The following RAB6A variants were observed in gnomAD, a reference collection of about 807,000 sequenced individuals.
RAB6A encodes RAB6A, member RAS oncogene family.
RAB6A carries 8 observed loss-of-function variants against 32.3 expected under a neutral mutation model. The ratio of observed to expected loss-of-function variants is 0.25; its 90% CI spans 0.15 to 0.45. The LOEUF is 0.45. RAB6A is among the 20% of genes least tolerant of loss of function. The pLI, the probability that RAB6A is intolerant of heterozygous loss-of-function variation, is 1.00. For missense variants in RAB6A, 104 were observed against 249.4 expected, an observed-to-expected ratio of 0.42 and a Z score of 3.93; for synonymous variants, 73 against 82.1, an observed-to-expected ratio of 0.89 and a Z score of 0.60.
intron 1 of RAB6A, among the ~76,000 whole-genome samples, chr11:73,736,646 G>T (rs944915974): frequency 3.3e-5 from 5 of 151,320 alleles, no homozygotes; most frequent in South Asian, 2.1e-4. Context: ...GCAAAAATTA[G>T]CCAGGCATTG....
chr11:73,700,583 CAA>C (rs11458879), intron 6 of RAB6A, among the ~76,000 whole-genome samples: 1 of 30,488 alleles, frequency 3.3e-5, no homozygotes, highest in Admixed American at 5.6e-4. Context: ...GACCCTGTCT[CAA>C]AAAAAAAAAA....
At chr11:73,705,188 A>G (rs923227627) in intron 6 of RAB6A, among the ~76,000 whole-genome samples, 17 of 152,144 alleles carry the variant, frequency 1.1e-4, no homozygotes, top group African/African-American at 3.9e-4. Context: ...GCTATTAACC[A>G]GGAAAAGGAC....
chr11:73,690,769 C>T (rs1194684226), intron 6 of RAB6A, among the ~76,000 whole-genome samples: 1 of 150,108 alleles, frequency 6.7e-6, no homozygotes, highest in Non-Finnish European at 1.5e-5. Context: ...ATGGTTGGGT[C>T]CAGTGGGGTG....
At chr11:73,744,957 G>C (rs1005621790) in intron 1 of RAB6A, among the ~76,000 whole-genome samples, 6 of 148,622 alleles carry the variant, frequency 4.0e-5, no homozygotes, top group Non-Finnish European at 7.4e-5. Context: ...CCTGGTGACA[G>C]AGCGAGAATC....
chr11:73,683,123 T>A (rs1268498452), intron 6 of RAB6A, among the ~76,000 whole-genome samples: 1 of 152,198 alleles, frequency 6.6e-6, no homozygotes, highest in East Asian at 1.9e-4. Context: ...AGGCAGTAAG[T>A]ATAGTGACTA....
Position 73,744,511 on chromosome 11 carries a change from C to CAAAAAAAA in RAB6A, c.71-13696_71-13689dup, listed in dbSNP as rs555388622. Among the ~76,000 whole-genome samples, 11 of 63,748 alleles carry CAAAAAAAA rather than the reference C, an allele frequency of 1.7e-4. 1 individual carries two copies. The highest frequency in any genetic ancestry group is 8.0e-4 in the African/African-American group (11 of 13,734). The allele number at this position is 63,748 out of a possible 152,430, so 41.8% of individuals were successfully genotyped here. A position where few individuals can be genotyped will look rare whatever the true frequency, so the allele number is the denominator to read the frequency against. On this transcript the variant is annotated intron_variant, in intron 1 of 7. Transcript: ENST00000336083. ...GGGCAACAGAGTGAGACCCTGTCTC[C>CAAAAAAAA]AAAAAAAAAAAAAAAAAAAAAAAAA...
chr11:73,693,291 A>AAAATAAATAAATAAATAAATAAAT (rs3046617), intron 6 of RAB6A, among the ~76,000 whole-genome samples: 69 of 151,032 alleles, frequency 4.6e-4, no homozygotes, highest in African/African-American at 1.5e-3. Flanking sequence ...CCGTCTCCAA[A>AAAATAAATAAATAAATAAATAAAT]AAATAAATAA....
intron 7 of RAB6A, 85 bp from the exon 8 acceptor site, chr11:73,678,047 T>C (rs903560015): frequency 8.1e-6 from 11 of 1,362,510 alleles, no homozygotes; most frequent in Non-Finnish European, 3.1e-6. Context: ...GGCCCTTATA[T>C]TCCTATCTGT....
intron 6 of RAB6A, among the ~76,000 whole-genome samples, chr11:73,692,313 G>A (rs576387055): frequency 6.6e-6 from 1 of 151,400 alleles, no homozygotes; most frequent in East Asian, 2.0e-4. Flanking sequence ...GACCATCCTG[G>A]CTAACAGTGA....
At chr11:73,722,056 G>GTGTGTGTGTATATATATATATAT (rs1555061901) in intron 2 of RAB6A, among the ~76,000 whole-genome samples, 16 of 151,022 alleles carry the variant, frequency 1.1e-4, no homozygotes, top group Admixed American at 2.7e-4. Flanking sequence ...CTTCTGCCAT[G>GTGTGTGTGTATATATATATATAT]ATTGTAAGTT....
chr11:73,690,511 G>C (rs886444575), intron 6 of RAB6A, among the ~76,000 whole-genome samples: 2 of 151,318 alleles, frequency 1.3e-5, no homozygotes, highest in Admixed American at 6.6e-5. Context: ...TCAGCCTCCT[G>C]AGTAGCTAGG....
chr11:73,684,437 G>A (rs1251149631), intron 6 of RAB6A, among the ~76,000 whole-genome samples: 1 of 152,194 alleles, frequency 6.6e-6, no homozygotes, highest in Non-Finnish European at 1.5e-5. Flanking sequence ...CCAAAGTGCT[G>A]TGATTACAGG....
At chr11:73,706,203 A>G (rs1245447904) in intron 6 of RAB6A, among the ~76,000 whole-genome samples, 1 of 152,146 alleles carries the variant, frequency 6.6e-6, no homozygotes, top group Non-Finnish European at 1.5e-5. Context: ...CCCTCTGTTG[A>G]TCACCCTCAA....
At chr11:73,755,484 G>T (rs1023793906) in intron 1 of RAB6A, among the ~76,000 whole-genome samples, 2 of 151,972 alleles carry the variant, frequency 1.3e-5, no homozygotes, top group Non-Finnish European at 2.9e-5. Context: ...GTAGAAACGG[G>T]GTTTCGCCAT....
chr11:73,714,192 CAA>C (rs71272251), intron 5 of RAB6A, among the ~76,000 whole-genome samples: 3 of 66,142 alleles, frequency 4.5e-5, no homozygotes, highest in Admixed American at 2.3e-4. Context: ...AACTCCATCT[CAA>C]AAAAAAAAAA....
chr11:73,692,523 A>T (rs12223879), intron 6 of RAB6A, among the ~76,000 whole-genome samples: 1 of 147,200 alleles, frequency 6.8e-6, no homozygotes, highest in Non-Finnish European at 1.5e-5. Context: ...AAAAAAAAAA[A>T]GGAAAGAAAA....
chr11:73,684,172 T>TG (rs1438193433), intron 6 of RAB6A, among the ~76,000 whole-genome samples: 2 of 151,190 alleles, frequency 1.3e-5, no homozygotes, highest in African/African-American at 4.9e-5. Context: ...ATTGTTGTTT[T>TG]TTTTTTTTTT....
intron 6 of RAB6A, 100 bp from the exon 7 acceptor site, chr11:73,679,820 A>G (rs938595866): frequency 3.2e-5 from 47 of 1,480,422 alleles, no homozygotes; most frequent in Non-Finnish European, 3.5e-5. Context: ...TGCTGGGCGC[A>G]GTGGCTCACA....
intron 5 of RAB6A, among the ~76,000 whole-genome samples, chr11:73,713,101 G>C (rs1945991428): frequency 6.6e-6 from 1 of 152,108 alleles, no homozygotes; most frequent in African/African-American, 2.4e-5. Context: ...ATTCTGTCTT[G>C]AACCTACTGT....
Sources: gnomAD v4.1 joint callset for allele counts (sites outside exome capture counted in the v4.1 genomes callset) on GRCh38, gnomAD v4.1.1 for gene constraint, MANE v1.5 for transcripts, NCBI Gene and HGNC (gene_info 2026-07-23, HGNC 2026-07-21) for gene names.